The following CHL1 variants were observed in gnomAD, a reference collection of about 807,000 sequenced individuals.
The protein encoded by CHL1 is neural cell adhesion molecule L1-like protein.
A neutral mutation model predicts 141.9 loss-of-function variants in CHL1; 96 were observed. The observed-to-expected ratio is 0.68, with a 90% confidence interval of 0.57 to 0.80. CHL1 has a LOEUF of 0.80. CHL1 is among the 30% of genes least tolerant of loss of function. The pLI is 0.00. For missense variants in CHL1, 1,820 were observed against 1,457.2 expected, an observed-to-expected ratio of 1.25 and a Z score of -4.05; for synonymous variants, 613 against 502.2, an observed-to-expected ratio of 1.22 and a Z score of -2.95.
intron 9 of CHL1, among the ~76,000 whole-genome samples, chr3:346,215 T>C (rs574418094): frequency 6.6e-6 from 1 of 152,326 alleles, no homozygotes; most frequent in South Asian, 2.1e-4. Context: ...CCACCAAAAA[T>C]ATCAAAGTTG....
At chr3:317,011 A>T (rs763088199) in intron 2 of CHL1, among the ~76,000 whole-genome samples, 1 of 152,076 alleles carries the variant, frequency 6.6e-6, no homozygotes, top group Admixed American at 6.6e-5. Context: ...TCCGTTTTCA[A>T]TCTGAAAGCT....
Position 363,211 on chromosome 3 carries a change from C to T in CHL1, c.1419-6C>T. The stretch of plus-strand genomic sequence containing the variant: ...TCAGATGGATGTACGCTTTCTTTGT[C>T]CATAGGCAGAAGGTGGAAGAAGTGA... On this transcript the variant is annotated splice_region_variant and splice_polypyrimidine_tract_variant and intron_variant, in intron 13 of 27. Coordinates refer to ENST00000256509, the MANE Select transcript of CHL1 (RefSeq NM_006614.4). 6.2e-7 allele frequency: 1 copy of T among 1,604,770 alleles called. No homozygotes were observed. Among genetic ancestry groups the T allele is most frequent in the South Asian group, 1.1e-5 (1 of 89,866 alleles).
At chr3:322,322 GA>G (rs969240473) in intron 3 of CHL1, among the ~76,000 whole-genome samples, 3 of 151,660 alleles carry the variant, frequency 2.0e-5, no homozygotes, top group Non-Finnish European at 2.9e-5. Flanking sequence ...AGAATTAATA[GA>G]AAAAAATTAG....
chr3:398,661 A>C (rs561941724), intron 25 of CHL1, among the ~76,000 whole-genome samples: 4 of 152,316 alleles, frequency 2.6e-5, no homozygotes, highest in Non-Finnish European at 4.4e-5. Flanking sequence ...AAGAAAAAGC[A>C]AAACAAAACA....
intron 16 of CHL1, 77 bp from the exon 17 acceptor site, chr3:382,102 A>G (rs939554695): frequency 8.3e-7 from 1 of 1,203,122 alleles, no homozygotes; most frequent in Non-Finnish European, 1.2e-6. Flanking sequence ...GTCTCCGGGT[A>G]GCTGGCAATG....
intron 12 of CHL1, among the ~76,000 whole-genome samples, chr3:361,432 G>A (rs1704236213): frequency 6.8e-6 from 1 of 146,844 alleles, no homozygotes; most frequent in South Asian, 2.2e-4. Flanking sequence ...GAGTGAACAG[G>A]CAACCTACAA....
At chr3:323,418 G>A (rs888706924) in intron 3 of CHL1, among the ~76,000 whole-genome samples, 4 of 151,966 alleles carry the variant, frequency 2.6e-5, no homozygotes, top group Admixed American at 6.6e-5. Flanking sequence ...TTCAGTGAGC[G>A]GGTATTTTTT....
At position 374,565 on chromosome 3, in the gene CHL1, T is replaced by A. The variant is rs562775549; in HGVS notation, c.1752-3253T>A. On this transcript the variant is annotated intron_variant, in intron 15 of 27. Coordinates refer to ENST00000256509, the MANE Select transcript of CHL1 (RefSeq NM_006614.4). ...ACCCAGTTTTACAGTTCCTGCAGGATCCCAGAGCTGACACTGAAATGAACC... is the reference window on the plus strand; with the variant it reads ...ACCCAGTTTTACAGTTCCTGCAGGAACCCAGAGCTGACACTGAAATGAACC... 7.9e-5 allele frequency among the ~76,000 whole-genome samples: 12 copies of A among 152,276 alleles called. 1 individual carries two copies. Among genetic ancestry groups the A allele is most frequent in the African/African-American group, 2.9e-4 (12 of 41,540 alleles).
intron 2 of CHL1, among the ~76,000 whole-genome samples, chr3:249,617 G>T (rs1693494513): frequency 6.6e-6 from 1 of 152,126 alleles, no homozygotes; most frequent in African/African-American, 2.4e-5. Flanking sequence ...GCCTTTTGCT[G>T]CAGTTGCTTC....
chr3:288,823 T>C (rs1298975579), intron 2 of CHL1, among the ~76,000 whole-genome samples: 1 of 152,250 alleles, frequency 6.6e-6, no homozygotes, highest in African/African-American at 2.4e-5. Context: ...TATCATTAAA[T>C]ATAGTTTGAG....
intron 1 of CHL1, among the ~76,000 whole-genome samples, chr3:231,126 A>T (rs936258635): frequency 6.6e-6 from 1 of 152,298 alleles, no homozygotes; most frequent in South Asian, 2.1e-4. Flanking sequence ...TATATTTACT[A>T]TCGGTTTTGT....
intron 24 of CHL1, 121 bp downstream of exon 24, chr3:394,993 C>G: frequency 1.2e-6 from 1 of 828,466 alleles, no homozygotes; most frequent in Non-Finnish European, 1.8e-6. Context: ...GATTGTGATC[C>G]CACTCTGTCT....
chr3:317,659 A>G (rs915928514), intron 2 of CHL1, among the ~76,000 whole-genome samples: 6 of 151,368 alleles, frequency 4.0e-5, no homozygotes, highest in African/African-American at 1.5e-4. Flanking sequence ...TTTCAGAAAA[A>G]AAAAAAAACA....
chr3:405,842 C>A lies in CHL1; in HGVS notation c.*131C>A, dbSNP rs558534315. 2 of 641,850 alleles carry A rather than the reference C, an allele frequency of 3.1e-6. No homozygotes were observed. The highest frequency in any genetic ancestry group is 2.7e-6 in the Non-Finnish European group (1 of 372,678). The allele number at this position is 641,850 out of a possible 1,614,324, so 39.8% of individuals were successfully genotyped here. On this transcript the variant is annotated 3_prime_UTR_variant, in exon 28 of 28. Transcript: ENST00000256509. The stretch of plus-strand genomic sequence containing the variant: ...ATTTCATCCAGAAGTCAACATCCTG[C>A]AATTATGTTGAAAAGAGTAGTACTT...
chr3:263,598 A>C (rs907641501), intron 2 of CHL1, among the ~76,000 whole-genome samples: 2 of 152,190 alleles, frequency 1.3e-5, no homozygotes, highest in African/African-American at 4.8e-5. Context: ...CAAATCATTC[A>C]CGTATCTCTG....
chr3:321,454 G>C (rs1031095109), intron 3 of CHL1, among the ~76,000 whole-genome samples: 2 of 152,062 alleles, frequency 1.3e-5, no homozygotes, highest in African/African-American at 4.8e-5. Flanking sequence ...TTTGCTTTGA[G>C]TATGCAGTAG....
At chr3:260,132 C>T (rs1028189643) in intron 2 of CHL1, among the ~76,000 whole-genome samples, 6 of 151,946 alleles carry the variant, frequency 3.9e-5, no homozygotes, top group Non-Finnish European at 7.4e-5. Context: ...GGTGTGGTGG[C>T]GCGGACCTGT....
intron 2 of CHL1, among the ~76,000 whole-genome samples, chr3:277,325 A>C (rs1405221395): frequency 6.6e-6 from 1 of 152,190 alleles, no homozygotes; most frequent in African/African-American, 2.4e-5. Flanking sequence ...TTCTTAAGGA[A>C]GTTTATATTT....
At chr3:244,859 A>G (rs569488453) in intron 2 of CHL1, among the ~76,000 whole-genome samples, 167 bp downstream of exon 2, 1 of 152,256 alleles carries the variant, frequency 6.6e-6, no homozygotes, top group Admixed American at 6.5e-5. Flanking sequence ...CATATAGTGA[A>G]GGTTTTTTTT....
Sources: gnomAD v4.1 joint callset for allele counts (sites outside exome capture counted in the v4.1 genomes callset) on GRCh38, gnomAD v4.1.1 for gene constraint, MANE v1.5 for transcripts, NCBI Gene and HGNC (gene_info 2026-07-23, HGNC 2026-07-21) for gene names.